SYNGR3: variants seen among roughly 807,000 people sequenced by gnomAD.
The protein encoded by SYNGR3 is synaptogyrin 3, also known as synaptogyrin-3.
SYNGR3 carries 10 observed loss-of-function variants against 18.5 expected under a neutral mutation model. That is an observed-to-expected ratio of 0.54 (90% CI 0.33 to 0.92). The LOEUF (loss-of-function observed/expected upper bound fraction) is 0.92. Among genes scored for constraint, SYNGR3 ranks in the 40% least tolerant of loss-of-function variants. SYNGR3 has a pLI of 0.02. For synonymous variants in SYNGR3, 188 were observed against 157.2 expected, an observed-to-expected ratio of 1.20 and a Z score of -1.47; for missense variants, 335 against 332.8, an observed-to-expected ratio of 1.01 and a Z score of -0.05.
At chr16:1,992,551 G>T (rs1390115971) in intron 2 of SYNGR3, 85 bp from the exon 3 acceptor site, 2 of 1,488,440 alleles carry the variant, frequency 1.3e-6, no homozygotes, top group East Asian at 2.7e-5. Context: ...CCCAAGCCTC[G>T]GGCCCACCGA....
Position 1,992,111 on chromosome 16 carries a change from C to T in SYNGR3, c.237C>T (p.Phe79=), listed in dbSNP as rs2083607252. ...GCGTCGCGCTGGGCCTCGGAGCCTT[C>T]CTCGCCTGCGCCGCCTTCCTGCTGC... ...RFGVALGLGA[F]LACAAFLLLD... is the part of the protein sequence containing the mutation. Residue 79 remains phenylalanine, a synonymous_variant, in exon 2 of 4, where the codon TTC becomes TTT. Coordinates refer to ENST00000248121, the MANE Select transcript of SYNGR3 (RefSeq NM_004209.6). 1.3e-6 allele frequency: 2 copies of T among 1,562,570 alleles called. No individual in the cohort carries two copies. Among genetic ancestry groups the T allele is most frequent in the Non-Finnish European group, 1.7e-6 (2 of 1,156,398 alleles).
At chr16:1,991,693 A>T in intron 1 of SYNGR3, 1 of 460,650 alleles carries the variant, frequency 2.2e-6, no homozygotes, top group Non-Finnish European at 3.9e-6. Context: ...AAAGAGAATA[A>T]GAACAATGGC....
In SYNGR3 at chr16:1,990,022, C is replaced by A. The variant is rs949133820; in HGVS notation, c.-81C>A. ...GCATCAGCATCAGCATCAGCGGCAGCGGCAGCGGCCTCGGGCGGGGCCGGC... is the reference window on the plus strand; with the variant it reads ...GCATCAGCATCAGCATCAGCGGCAGAGGCAGCGGCCTCGGGCGGGGCCGGC... On this transcript the variant is annotated 5_prime_UTR_variant, in exon 1 of 4. Coordinates refer to ENST00000248121, the MANE Select transcript of SYNGR3 (RefSeq NM_004209.6). The A allele has an allele frequency of 1.1e-5, 5 of 459,574 alleles. No individual in the cohort carries two copies. The highest frequency in any genetic ancestry group is 5.3e-5 in the East Asian group (1 of 18,818). 28.5% of individuals were successfully genotyped at this position (459,574 alleles called of 1,614,324 possible).
rs1410808329 is a variant in SYNGR3, at chr16:1,993,592, G to A, written c.*520G>A. The A allele has an allele frequency of 2.2e-6, 1 of 457,490 alleles. No homozygotes were observed. The highest frequency in any genetic ancestry group is 4.4e-6 in the Non-Finnish European group (1 of 227,618). The allele number at this position is 457,490 out of a possible 1,614,324, so 28.3% of individuals were successfully genotyped here. Reference sequence around the variant, plus strand: ...CACTCTCCACTTTCTCTCACAGGCTGCTAGAACAGCCCAGCCCTGTCAGTG... The same window carrying A: ...CACTCTCCACTTTCTCTCACAGGCTACTAGAACAGCCCAGCCCTGTCAGTG... On this transcript the variant is annotated 3_prime_UTR_variant, in exon 4 of 4. Coordinates refer to ENST00000248121, the MANE Select transcript of SYNGR3 (RefSeq NM_004209.6).
rs2083612830 is a variant in SYNGR3 at position 1,992,895 on chromosome 16, C to T, written c.513C>T (p.Phe171=). ...TCACCGTGAAGGCCCTGCAGCGGTT[C>T]CGCCTGGGCACCGACATGTCACTCT... ...VALTVKALQR[F]RLGTDMSLFA... is the part of the protein sequence containing the mutation. Residue 171 remains phenylalanine (F), a synonymous_variant, in exon 4 of 4, where the codon TTC becomes TTT. Coordinates refer to ENST00000248121, the MANE Select transcript of SYNGR3 (RefSeq NM_004209.6). 5 of 1,602,156 alleles carry T rather than the reference C, an allele frequency of 3.1e-6. No homozygotes were observed. Among genetic ancestry groups the T allele is most frequent in the Non-Finnish European group, 4.3e-6 (5 of 1,173,964 alleles).
rs545862921 is a variant in SYNGR3 at position 1,993,157 on chromosome 16, A to T, written c.*85A>T. 34 of 1,481,212 alleles carry T rather than the reference A, an allele frequency of 2.3e-5. No individual in the cohort carries two copies. Among genetic ancestry groups the T allele is most frequent in the Middle Eastern group, 1.7e-4 (1 of 5,810 alleles). 91.8% of individuals were successfully genotyped at this position (1,481,212 alleles called of 1,614,324 possible). A position where few individuals can be genotyped will look rare whatever the true frequency, so the allele number is the denominator to read the frequency against. On this transcript the variant is annotated 3_prime_UTR_variant, in exon 4 of 4. Coordinates refer to ENST00000248121, the MANE Select transcript of SYNGR3 (RefSeq NM_004209.6). ...TCCGGGACCTCCCTTGGGTCCTTCC[A>T]GCTCAGTGCCGCGGACAGAGTAGGT...
Position 1,992,682 on chromosome 16 carries a change from T to G in SYNGR3, c.384T>G (p.Asn128Lys). ...LWFVGFCFLT[N>K]QWQRTAPGPA... Reference sequence around the variant, plus strand: ...TCGTGGGCTTCTGCTTCCTCACCAATCAGTGGCAGCGCACGGCGCCAGGGC... The same window carrying G: ...TCGTGGGCTTCTGCTTCCTCACCAAGCAGTGGCAGCGCACGGCGCCAGGGC... The change falls in exon 3 of 4, where the codon AAT (asparagine) becomes AAG (lysine). Residue 128 changes from asparagine to lysine, a missense_variant. Transcript: ENST00000248121. The G allele has an allele frequency of 6.2e-7, 1 of 1,605,810 alleles. No individual in the cohort carries two copies. The highest frequency in any genetic ancestry group is 1.1e-5 in the South Asian group (1 of 90,912).
In SYNGR3 at chr16:1,992,961, C is replaced by T. The variant is rs1233632221; in HGVS notation, c.579C>T (p.Tyr193=). ...TGAGCACCGGGGCGAGCCAGGCCTA[C>T]CCCGGCTATCCGGTGGGCAGCGGCG... The part of the protein sequence containing the change: ...EQLSTGASQA[Y]PGYPVGSGVE... The change falls in exon 4 of 4, where the codon TAC becomes TAT. Residue 193 remains tyrosine (Y), a synonymous_variant. Transcript: ENST00000248121. 6.2e-7 allele frequency: 1 copy of T among 1,611,736 alleles called. No individual in the cohort carries two copies. Among genetic ancestry groups the T allele is most frequent in the Non-Finnish European group, 8.5e-7 (1 of 1,179,700 alleles).
chr16:1,990,443 C>A, intron 1 of SYNGR3: 1 of 497,194 alleles, frequency 2.0e-6, no homozygotes, highest in Non-Finnish European at 3.7e-6. Context: ...GAGGTCACCG[C>A]CGGTCGCCTC....
chr16:1,993,549 G>A lies in SYNGR3; in HGVS notation c.*477G>A, dbSNP rs1273079604. The A allele has an allele frequency of 2.0e-5, 9 of 461,062 alleles. No individual in the cohort carries two copies. The highest frequency in any genetic ancestry group is 3.9e-5 in the Non-Finnish European group (9 of 230,300). 28.6% of individuals were successfully genotyped at this position (461,062 alleles called of 1,614,324 possible). A position where few individuals can be genotyped will look rare whatever the true frequency, so the allele number is the denominator to read the frequency against. On this transcript the variant is annotated 3_prime_UTR_variant, in exon 4 of 4. Transcript: ENST00000248121. The stretch of plus-strand genomic sequence containing the variant: ...TGACTGTCTCGTTTCTGTCATGGTG[G>A]TGCGTCCCGTCCGGAGCCACTCTCC...
In SYNGR3 at chr16:1,992,617, C is replaced by G. The variant is rs1329620310; in HGVS notation, c.338-19C>G. The G allele has an allele frequency of 6.3e-7, 1 of 1,587,432 alleles. No homozygotes were observed. The highest frequency in any genetic ancestry group is 1.7e-5 in the Admixed American group (1 of 58,100). ...GCCACCGCGTGGAGCGTCGCCCTGA[C>G]GCGCCGCACTGTTCGCAGGACTCTG... On this transcript the variant is annotated intron_variant, in intron 2 of 3. Transcript: ENST00000248121.
In SYNGR3 at chr16:1,992,642, G is replaced by C. The variant is rs1277216527; in HGVS notation, c.344G>C (p.Trp115Ser). 2 of 1,605,208 alleles carry C rather than the reference G, an allele frequency of 1.2e-6. No homozygotes were observed. Among genetic ancestry groups the C allele is most frequent in the East Asian group, 4.5e-5 (2 of 44,018 alleles). Residue 115 changes from tryptophan to serine, a missense_variant, in exon 3 of 4, where the codon TGG becomes TCG. Physicochemically the swap from Trp to Ser is radical, Grantham distance 177 (BLOSUM62 -3). Transcript: ENST00000248121. ...VLLDLGFSGL[W>S]SFLWFVGFCF... ...CGCGCCGCACTGTTCGCAGGACTCT[G>C]GTCCTTCCTGTGGTTCGTGGGCTTC...
In SYNGR3 at chr16:1,991,025, C is replaced by T. The variant is rs189789833; in HGVS notation, c.99+824C>T. 304 of 148,304 alleles carry T rather than the reference C, an allele frequency of 2.0e-3. 1 individual carries two copies. Among genetic ancestry groups the T allele is most frequent in the Non-Finnish European group, 3.7e-3 (242 of 65,776 alleles). The allele number at this position is 148,304 out of a possible 1,614,324, so 9.2% of individuals were successfully genotyped here. ...CCACTCTTGGGGACAAGTGCATGTC[C>T]CGGCTTCCCCCTTGGCTCCACTCTC... On this transcript the variant is annotated intron_variant, in intron 1 of 3. Transcript: ENST00000248121.
At position 1,992,978 on chromosome 16, in the gene SYNGR3, G is replaced by T; in HGVS notation, c.596G>T (p.Gly199Val). The T allele has an allele frequency of 6.2e-7, 1 of 1,611,808 alleles. No individual in the cohort carries two copies. The highest frequency in any genetic ancestry group is 8.5e-7 in the Non-Finnish European group (1 of 1,179,692). Residue 199 changes from glycine (G) to valine (V), a missense_variant, in exon 4 of 4, where the codon GGC (glycine) becomes GTC (valine). Physicochemically the swap from Gly to Val is moderately radical, Grantham distance 109. Transcript: ENST00000248121. ...CAGGCCTACCCCGGCTATCCGGTGG[G>T]CAGCGGCGTGGAGGGCACCGAGACC... ...ASQAYPGYPV[G>V]SGVEGTETYQ...
rs1308537701 is a variant in SYNGR3 at position 1,992,105 on chromosome 16, A to G, written c.231A>G (p.Gly77=). The change falls in exon 2 of 4, where the codon GGA becomes GGG. Residue 77 remains glycine (G), a synonymous_variant. Transcript: ENST00000248121. ...ACRFGVALGL[G]AFLACAAFLL... is the part of the protein sequence containing the mutation. ...GCTTCGGCGTCGCGCTGGGCCTCGG[A>G]GCCTTCCTCGCCTGCGCCGCCTTCC... 8 of 1,571,840 alleles carry G rather than the reference A, an allele frequency of 5.1e-6. No homozygotes were observed. The highest frequency in any genetic ancestry group is 6.0e-6 in the Non-Finnish European group (7 of 1,160,942).
In SYNGR3 at chr16:1,990,233, G is replaced by A. The variant is rs921527294; in HGVS notation, c.99+32G>A. 1.9e-4 allele frequency: 230 copies of A among 1,182,338 alleles called. No homozygotes were observed. In the African/African-American group the frequency reaches 3.4e-3, roughly 18 times the overall value. The allele number at this position is 1,182,338 out of a possible 1,614,324, so 73.2% of individuals were successfully genotyped here. On this transcript the variant is annotated intron_variant, in intron 1 of 3. Transcript: ENST00000248121. ...GGTCCCTGCCCGGGCCCCCGCTCCC[G>A]CCCCTGCCTCGCGACCTTCAGGCCC...
Position 1,993,744 on chromosome 16 carries a change from C to A in SYNGR3, c.*672C>A. Reference sequence around the variant, plus strand: ...CAGGAAGGCACAAGGTAGCTGTGGGCCAAGACACCAGCCCTGTCCTAGCCC... The same window carrying A: ...CAGGAAGGCACAAGGTAGCTGTGGGACAAGACACCAGCCCTGTCCTAGCCC... On this transcript the variant is annotated 3_prime_UTR_variant, in exon 4 of 4. Transcript: ENST00000248121. 1 of 390,276 alleles carries A rather than the reference C, an allele frequency of 2.6e-6. No homozygotes were observed. Among genetic ancestry groups the A allele is most frequent in the Admixed American group, 2.8e-5 (1 of 35,422 alleles). The allele number at this position is 390,276 out of a possible 1,614,324, so 24.2% of individuals were successfully genotyped here.
chr16:1,990,489 CT>C, intron 1 of SYNGR3: 1 of 541,776 alleles, frequency 1.8e-6, no homozygotes, highest in Non-Finnish European at 3.5e-6. Context: ...ATTTCAGTCC[CT>C]TTCCGCAGCC....
intron 2 of SYNGR3, 64 bp from the exon 3 acceptor site, chr16:1,992,572 T>A (rs2083609980): frequency 6.4e-7 from 1 of 1,552,274 alleles, no homozygotes; most frequent in African/African-American, 1.4e-5. Flanking sequence ...CCTTTCCTCC[T>A]CCGGGCGAGG....
Sources: allele counts gnomAD v4.1 joint callset, GRCh38; gene constraint gnomAD v4.1.1; transcripts MANE v1.5; gene names NCBI Gene and HGNC (gene_info 2026-07-23, HGNC 2026-07-21).